The following XIRP2 variants were observed in gnomAD, a reference collection of about 807,000 sequenced individuals.
XIRP2 encodes xin actin binding repeat containing 2.
XIRP2 carries 236 observed loss-of-function variants against 277.0 expected under a neutral mutation model. The observed-to-expected ratio is 0.85, with a 90% confidence interval of 0.77 to 0.95. XIRP2 has a LOEUF of 0.95. Among genes scored for constraint, XIRP2 ranks in the 40% least tolerant of loss-of-function variants. The probability of loss-of-function intolerance (pLI) is 0.00; values close to 1 mark genes in which losing one functional copy is unlikely to be tolerated. For synonymous variants in XIRP2, 1,490 were observed against 1,416.5 expected (o/e 1.05, Z -1.17); for missense variants, 4,640 against 4,157.5 (o/e 1.12, Z -3.19).
chr2:167,083,163 G>A (rs1349863266), intron 2 of XIRP2, among the ~76,000 whole-genome samples: 1 of 152,062 alleles, frequency 6.6e-6, no homozygotes, highest in Admixed American at 6.5e-5. Flanking sequence ...TCTACATATG[G>A]CTAGCCAGTT....
In XIRP2 at chr2:166,931,253, G is replaced by C. The variant is rs530985633; in HGVS notation, c.408+27363G>C. Among the ~76,000 whole-genome samples, 12 of 152,248 alleles carry C rather than the reference G, an allele frequency of 7.9e-5. No individual in the cohort carries two copies. The South Asian group carries it at 2.5e-3, about 32-fold the overall frequency. Reference sequence around the variant, plus strand: ...AACAGACATGAATGTTTAAGATTTTGCTTCAGATGTGCCTCTTATTTTGAA... The same window carrying C: ...AACAGACATGAATGTTTAAGATTTTCCTTCAGATGTGCCTCTTATTTTGAA... On this transcript the variant is annotated intron_variant, in intron 2 of 10. Coordinates refer to ENST00000409195, the MANE Select transcript of XIRP2 (RefSeq NM_152381.6).
At chr2:166,910,754 C>T (rs1269156950) in intron 2 of XIRP2, among the ~76,000 whole-genome samples, 1 of 152,150 alleles carries the variant, frequency 6.6e-6, no homozygotes, top group African/African-American at 2.4e-5. Context: ...GCATTTAGTG[C>T]TGTAAATTTC....
intron 2 of XIRP2, among the ~76,000 whole-genome samples, chr2:167,022,880 G>C (rs1483129304): frequency 2.6e-5 from 4 of 151,992 alleles, no homozygotes; most frequent in Admixed American, 6.6e-5. Context: ...TTGGTTCCAA[G>C]TCTTTGCTAT....
intron 2 of XIRP2, among the ~76,000 whole-genome samples, chr2:166,972,466 T>G (rs1017047187): frequency 6.6e-6 from 1 of 152,140 alleles, no homozygotes; most frequent in African/African-American, 2.4e-5. Flanking sequence ...ACCTCTCTGT[T>G]GCTGGATTAC....
rs1246805089 is a variant in XIRP2, at chr2:167,245,284, A to G, written c.3892A>G (p.Lys1298Glu). ...AGAATCTGACTATATCAGCACCAAG[A>G]AAACAATTACTGAAGAAGTAATACA... ...KEESDYISTK[K>E]TITEEVIQGD... The change falls in exon 9 of 11, where the codon AAA becomes GAA. Residue 1298 changes from lysine to glutamate, a missense_variant. Coordinates refer to ENST00000409195, the MANE Select transcript of XIRP2 (RefSeq NM_152381.6). The G allele has an allele frequency of 1.2e-6, 2 of 1,613,452 alleles. No individual in the cohort carries two copies. The highest frequency in any genetic ancestry group is 1.1e-5 in the South Asian group (1 of 91,026).
At chr2:167,136,235 CCTT>C (rs945728367) in intron 3 of XIRP2, among the ~76,000 whole-genome samples, 173 bp downstream of exon 3, 2 of 151,948 alleles carry the variant, frequency 1.3e-5, no homozygotes, top group African/African-American at 4.8e-5. Context: ...ATGCTTCTAT[CCTT>C]ATTATATTTT....
rs116113181 is a variant in XIRP2 at position 167,076,866 on chromosome 2, C to T, written c.409-59043C>T. On this transcript the variant is annotated intron_variant, in intron 2 of 10. Coordinates refer to ENST00000409195, the MANE Select transcript of XIRP2 (RefSeq NM_152381.6). ...GGGGATTTTGAGACAGGGTCTCACT[C>T]GGTCTCTTAGGTCGGAGTGCAGTGG... 1.4e-3 allele frequency among the ~76,000 whole-genome samples: 212 copies of T among 152,152 alleles called. 1 individual carries two copies. The highest frequency in any genetic ancestry group is 2.7e-3 in the Non-Finnish European group (184 of 67,992).
At chr2:167,103,765 T>C (rs1263925526) in intron 2 of XIRP2, among the ~76,000 whole-genome samples, 1 of 152,178 alleles carries the variant, frequency 6.6e-6, no homozygotes, top group Non-Finnish European at 1.5e-5. Context: ...CTAGCTGGTA[T>C]GTCTTTGCCC....
At position 167,246,046 on chromosome 2, in the gene XIRP2, A is replaced by C; in HGVS notation, c.4654A>C (p.Ile1552Leu). 2 of 1,613,574 alleles carry C rather than the reference A, an allele frequency of 1.2e-6. No homozygotes were observed. The highest frequency in any genetic ancestry group is 4.5e-5 in the East Asian group (2 of 44,836). The change falls in exon 9 of 11, where the codon ATT becomes CTT. Residue 1552 changes from isoleucine (I) to leucine (L), a missense_variant. Coordinates refer to ENST00000409195, the MANE Select transcript of XIRP2 (RefSeq NM_152381.6). Reference protein sequence around the residue: ...VEKIEIIGKSIKETLEDLYSQ... With the variant: ...VEKIEIIGKSLKETLEDLYSQ... ...AAAGATAGAAATTATTGGCAAGAGC[A>C]TTAAAGAAACCTTAGAAGATCTCTA... is the stretch of plus-strand genomic sequence containing the variant.
intron 2 of XIRP2, among the ~76,000 whole-genome samples, chr2:167,073,352 G>T (rs1441980739): frequency 6.6e-6 from 1 of 151,974 alleles, no homozygotes; most frequent in African/African-American, 2.4e-5. Flanking sequence ...AAATAACAAT[G>T]ACTTGTTTTG....
chr2:166,977,238 T>G (rs1686738890), intron 2 of XIRP2, among the ~76,000 whole-genome samples: 1 of 152,196 alleles, frequency 6.6e-6, no homozygotes, highest in Admixed American at 6.5e-5. Flanking sequence ...TTTGCTGAGC[T>G]TGAAATAAAG....
chr2:167,094,835 T>C (rs1219781704), intron 2 of XIRP2, among the ~76,000 whole-genome samples: 1 of 152,186 alleles, frequency 6.6e-6, no homozygotes, highest in Non-Finnish European at 1.5e-5. Flanking sequence ...TTAAAGTAGT[T>C]TTTTCTAATT....
intron 2 of XIRP2, among the ~76,000 whole-genome samples, chr2:167,085,166 G>C (rs1255479857): frequency 1.3e-5 from 2 of 151,018 alleles, no homozygotes; most frequent in Non-Finnish European, 3.0e-5. Context: ...TGGTTTCAAA[G>C]AACATCTTTA....
rs139752081 is a variant in XIRP2 at position 166,940,379 on chromosome 2, C to T, written c.408+36489C>T. Among the ~76,000 whole-genome samples, 162 of 152,226 alleles carry T rather than the reference C, an allele frequency of 1.1e-3. No individual in the cohort carries two copies. In the East Asian group the frequency reaches 0.011, roughly 11 times the overall value. Reference sequence around the variant, plus strand: ...TTTTTCAAGGTTTTTAGCCTCTTTGCGATGGGTTTGAACTTCCTCCTTTAG... The same window carrying T: ...TTTTTCAAGGTTTTTAGCCTCTTTGTGATGGGTTTGAACTTCCTCCTTTAG... On this transcript the variant is annotated intron_variant, in intron 2 of 10. Transcript: ENST00000409195.
In XIRP2 at chr2:167,242,783, T is replaced by C. The variant is rs1695111090; in HGVS notation, c.1391T>C (p.Val464Ala). The change falls in exon 9 of 11, where the codon GTA becomes GCA. Residue 464 changes from valine to alanine, a missense_variant. Physicochemically the swap from Val to Ala is moderately conservative, Grantham distance 64. Transcript: ENST00000409195. ...PPPPDVLQTS[V>A]DVTAFSQSPE... ...CCACCTGACGTACTTCAAACTTCAG[T>C]AGATGTGACAGCATTTTCCCAGTCC... is the stretch of plus-strand genomic sequence containing the variant. The C allele has an allele frequency of 6.2e-7, 1 of 1,613,926 alleles. No homozygotes were observed. Among genetic ancestry groups the C allele is most frequent in the African/African-American group, 1.3e-5 (1 of 74,914 alleles).
chr2:167,055,478 A>G (rs1689017306), intron 2 of XIRP2, among the ~76,000 whole-genome samples: 1 of 152,228 alleles, frequency 6.6e-6, no homozygotes, highest in Non-Finnish European at 1.5e-5. Flanking sequence ...TAATAAAATT[A>G]TAAACTGCAA....
At chr2:166,951,073 A>T (rs972402573) in intron 2 of XIRP2, among the ~76,000 whole-genome samples, 2 of 152,064 alleles carry the variant, frequency 1.3e-5, no homozygotes, top group Non-Finnish European at 2.9e-5. Flanking sequence ...CAGGGATATA[A>T]AAACGACGGA....
rs1694818527 is a variant in XIRP2 at position 167,233,596 on chromosome 2, T to G, written c.859-6259T>G. On this transcript the variant is annotated intron_variant, in intron 5 of 10. Coordinates refer to ENST00000409195, the MANE Select transcript of XIRP2 (RefSeq NM_152381.6). ...GTAGGACATAGAAATCAGTTGGATA[T>G]TGGTGAGGAAGGGATGGTAATCAAG... Among the ~76,000 whole-genome samples, 3 of 151,794 alleles carry G rather than the reference T, an allele frequency of 2.0e-5. No homozygotes were observed. In the South Asian group the frequency reaches 6.2e-4, roughly 31 times the overall value.
intron 2 of XIRP2, among the ~76,000 whole-genome samples, chr2:166,951,779 T>A (rs1486233453): frequency 6.6e-6 from 1 of 152,012 alleles, no homozygotes; most frequent in Non-Finnish European, 1.5e-5. Context: ...CTGCAATCTT[T>A]ACCCATGAAT....
Sources: gnomAD v4.1 joint callset for allele counts (sites outside exome capture counted in the v4.1 genomes callset) on GRCh38, gnomAD v4.1.1 for gene constraint, MANE v1.5 for transcripts, NCBI Gene and HGNC (gene_info 2026-07-23, HGNC 2026-07-21) for gene names.